COCH: variants seen among roughly 807,000 people sequenced by gnomAD.
COCH encodes the protein cochlin.
A neutral mutation model predicts 54.8 loss-of-function variants in COCH; 40 were observed. The observed-to-expected ratio is 0.73, with a 90% CI of 0.57 to 0.95. The LOEUF (loss-of-function observed/expected upper bound fraction) is 0.95. Among genes scored for constraint, COCH ranks in the 40% least tolerant of loss-of-function variants. The pLI, the probability that COCH is intolerant of heterozygous loss-of-function variation, is 0.00. For missense variants in COCH, 605 were observed against 675.0 expected, an observed-to-expected ratio of 0.90 and a Z score of 1.15; for synonymous variants, 256 against 237.9, an observed-to-expected ratio of 1.08 and a Z score of -0.70.
At chr14:30,887,565 G>C (rs1036256360) in intron 11 of COCH, among the ~76,000 whole-genome samples, 1 of 152,140 alleles carries the variant, frequency 6.6e-6, no homozygotes, top group South Asian at 2.1e-4. Flanking sequence ...ATGTGTTAGA[G>C]ATCAAATAGG....
At chr14:30,875,199 C>A (rs1021216764) in intron 3 of COCH, 96 bp downstream of exon 3, 2 of 1,506,506 alleles carry the variant, frequency 1.3e-6, no homozygotes, top group Non-Finnish European at 1.8e-6. Context: ...GGCTTCAGCC[C>A]TACCGCCTGA....
chr14:30,883,153 A>G (rs1042028726), intron 8 of COCH, among the ~76,000 whole-genome samples: 6 of 152,194 alleles, frequency 3.9e-5, no homozygotes. Flanking sequence ...GACTTATGGT[A>G]TCACATTTAT....
In COCH at chr14:30,877,529, G is replaced by T; in HGVS notation, c.83-43G>T. 1.2e-6 allele frequency: 2 copies of T among 1,610,722 alleles called. No individual in the cohort carries two copies. The highest frequency in any genetic ancestry group is 8.5e-7 in the Non-Finnish European group (1 of 1,179,294). On this transcript the variant is annotated intron_variant, in intron 3 of 11. Coordinates refer to ENST00000396618, the MANE Select transcript of COCH (RefSeq NM_004086.3). The surrounding 1 kb of genome is among the most constrained non-coding windows in gnomAD (Gnocchi z 8.6). ...TAGTCTCCCCACCACTATGCCCCAA[G>T]AAGTCCTAAGAATGCTTACAATATT...
intron 8 of COCH, among the ~76,000 whole-genome samples, chr14:30,882,120 G>GTTTTGTTTTTTTTTTTTTTTTTTT (rs1895617844): frequency 4.4e-5 from 3 of 67,894 alleles, no homozygotes; most frequent in Non-Finnish European, 8.1e-5. Flanking sequence ...CTATAAAATG[G>GTTTTGTTTTTTTTTTTTTTTTTTT]TTTTTTTTTT....
Position 30,890,113 on chromosome 14 carries a change from T to C in COCH, c.*322T>C. 9.7e-7 allele frequency: 1 copy of C among 1,025,870 alleles called. No individual in the cohort carries two copies. Among genetic ancestry groups the C allele is most frequent in the Non-Finnish European group, 1.2e-6 (1 of 853,886 alleles). 63.5% of individuals were successfully genotyped at this position (1,025,870 alleles called of 1,614,324 possible). ...CAGATATGCAAATTCCATAGCTCAA[T>C]AAAAGAATCTGATACTTAGACCAAA... is the stretch of plus-strand genomic sequence containing the variant. On this transcript the variant is annotated 3_prime_UTR_variant, in exon 12 of 12. Transcript: ENST00000396618.
chr14:30,878,572 A>T lies in COCH; in HGVS notation c.240-239A>T, dbSNP rs143609554. Among the ~76,000 whole-genome samples, 7,907 of 152,176 alleles carry T rather than the reference A, an allele frequency of 0.052. 386 individuals are homozygous for T. The highest frequency in any genetic ancestry group is 0.26 in the East Asian group (1,330 of 5,160). Reference sequence around the variant, plus strand: ...CTTGGGAGGCTGAGGCAGGAGAATCACTTGAATCCTGGAGGTGGAGGTTGC... The same window carrying T: ...CTTGGGAGGCTGAGGCAGGAGAATCTCTTGAATCCTGGAGGTGGAGGTTGC... On this transcript the variant is annotated intron_variant, in intron 4 of 11. Transcript: ENST00000396618.
downstream of COCH, among the ~76,000 whole-genome samples, chr14:30,893,178 C>CA (rs1896032320): frequency 9.5e-6 from 1 of 105,566 alleles, no homozygotes; most frequent in Non-Finnish European, 1.8e-5. Context: ...TTTTTTGAGA[C>CA]GGAGTCTCTG....
chr14:30,890,032 AGAG>A lies in COCH; in HGVS notation c.*245_*247del. On this transcript the variant is annotated 3_prime_UTR_variant, in exon 12 of 12. Transcript: ENST00000396618. ...ATCATGGCTCTTAGAAACTCAGGAA[AGAG>A]GAGATAATGTGGATTAAAACCTTAA... 5.7e-6 allele frequency: 7 copies of A among 1,224,384 alleles called. No individual in the cohort carries two copies. The highest frequency in any genetic ancestry group is 7.2e-6 in the Non-Finnish European group (7 of 976,592). The allele number at this position is 1,224,384 out of a possible 1,614,324, so 75.8% of individuals were successfully genotyped here. A position where few individuals can be genotyped will look rare whatever the true frequency, so the allele number is the denominator to read the frequency against.
At chr14:30,887,344 A>AGATC (rs370365148) in intron 11 of COCH, among the ~76,000 whole-genome samples, 43 of 151,766 alleles carry the variant, frequency 2.8e-4, no homozygotes, top group African/African-American at 9.9e-4. Context: ...CAATGAACTG[A>AGATC]GATCGTGCCA....
At chr14:30,892,073 G>T (rs1362312993), downstream of COCH, among the ~76,000 whole-genome samples, 3 of 151,096 alleles carry the variant, frequency 2.0e-5, no homozygotes, top group African/African-American at 4.8e-5. Flanking sequence ...AACTATTGAA[G>T]AAATCAACAT....
intron 1 of COCH, 119 bp from the exon 2 acceptor site, chr14:30,874,797 C>A (rs1240110769): frequency 4.1e-5 from 37 of 905,882 alleles, no homozygotes; most frequent in Admixed American, 3.8e-5. Flanking sequence ...AGCAGCGGGT[C>A]GTCTGTGTCC....
chr14:30,883,330 A>T (rs1217924376), intron 8 of COCH, among the ~76,000 whole-genome samples: 2 of 152,134 alleles, frequency 1.3e-5, no homozygotes, highest in African/African-American at 4.8e-5. Flanking sequence ...ACTTTGACCC[A>T]ATTCTTTTTG....
rs1454919096 is a variant in COCH at position 30,877,650 on chromosome 14, G to A, written c.161G>A (p.Cys54Tyr). The A allele has an allele frequency of 1.2e-6, 2 of 1,614,202 alleles. No individual in the cohort carries two copies. The highest frequency in any genetic ancestry group is 1.7e-6 in the Non-Finnish European group (2 of 1,180,030). ...EKADVLCPGG[C>Y]PLEEFSVYGN... ...GCAGATGTCCTCTGCCCAGGGGGCT[G>A]CCCTCTTGAGGAATTCTCTGTGTAT... The change falls in exon 4 of 12, where the codon TGC (cysteine) becomes TAC (tyrosine). Residue 54 changes from cysteine to tyrosine, a missense_variant. Coordinates refer to ENST00000396618, the MANE Select transcript of COCH (RefSeq NM_004086.3). The surrounding 1 kb of genome is among the most constrained non-coding windows in gnomAD (Gnocchi z 8.6).
rs1223460020 is a variant in COCH at position 30,890,490 on chromosome 14, AAAGTT to A, written c.*705_*709del. 7.5e-6 allele frequency: 7 copies of A among 933,074 alleles called. No individual in the cohort carries two copies. Among genetic ancestry groups the A allele is most frequent in the Admixed American group, 6.2e-5 (1 of 16,216 alleles). The allele number at this position is 933,074 out of a possible 1,614,324, so 57.8% of individuals were successfully genotyped here. ...ATATTCTAAGTCACCTAAGTACTTAAAAGTTAAGTTGGTAAAGTATTTACTGACTG... is the reference window on the plus strand; with the variant it reads ...ATATTCTAAGTCACCTAAGTACTTAAAAGTTGGTAAAGTATTTACTGACTG... On this transcript the variant is annotated 3_prime_UTR_variant, in exon 12 of 12. Transcript: ENST00000396618.
At chr14:30,882,120 G>GGTT (rs1895617242) in intron 8 of COCH, among the ~76,000 whole-genome samples, 1 of 67,894 alleles carries the variant, frequency 1.5e-5, no homozygotes, top group African/African-American at 6.6e-5. Context: ...CTATAAAATG[G>GGTT]TTTTTTTTTT....
chr14:30,894,705 A>T, downstream of COCH: 1 of 174,236 alleles, frequency 5.7e-6, no homozygotes, highest in Non-Finnish European at 1.2e-5. Flanking sequence ...AAGGAAAGAA[A>T]GTGGTTACAG....
chr14:30,874,878 C>T lies in COCH; in HGVS notation c.-23-38C>T, dbSNP rs1366747567. On this transcript the variant is annotated intron_variant, in intron 1 of 11. Coordinates refer to ENST00000396618, the MANE Select transcript of COCH (RefSeq NM_004086.3). ...TGAGGAGGTGACGCGCGGGGCCTCC[C>T]GCACCCTGGCCTTGCCCGCATTCTC... 5 of 1,599,496 alleles carry T rather than the reference C, an allele frequency of 3.1e-6. No individual in the cohort carries two copies. The African/African-American group carries it at 6.7e-5, about 21-fold the overall frequency.
rs201294938 is a variant in COCH at position 30,884,617 on chromosome 14, A to G, written c.694A>G (p.Ile232Val). ...FTSAKDVLFAIKEVGFRGGNS... is the reference protein window; with the variant it reads ...FTSAKDVLFAVKEVGFRGGNS... The stretch of plus-strand genomic sequence containing the variant: ...ATCAGCCAAAGATGTTTTGTTTGCC[A>G]TAAAGGAAGTAGGTTTCAGAGGGGG... Residue 232 changes from isoleucine (I) to valine (V), a missense_variant, in exon 9 of 12, where the codon ATA becomes GTA. By Grantham distance (29) the Ile-to-Val change is conservative. Coordinates refer to ENST00000396618, the MANE Select transcript of COCH (RefSeq NM_004086.3). The G allele has an allele frequency of 6.2e-6, 10 of 1,613,814 alleles. No homozygotes were observed. In the East Asian group the frequency reaches 1.1e-4, roughly 18 times the overall value.
chr14:30,888,237 T>C (rs1895858096), intron 11 of COCH, among the ~76,000 whole-genome samples: 1 of 151,618 alleles, frequency 6.6e-6, no homozygotes, highest in African/African-American at 2.4e-5. Flanking sequence ...GAAAAAAATA[T>C]TTTGACTTTT....
Sources: gnomAD v4.1 joint callset for allele counts (sites outside exome capture counted in the v4.1 genomes callset) on GRCh38, gnomAD v4.1.1 for gene constraint, Gnocchi (gnomAD v3.1) non-coding constraint, MANE v1.5 for transcripts, NCBI Gene and HGNC (gene_info 2026-07-23, HGNC 2026-07-21) for gene names.